The following BIN1 variants were observed in gnomAD, a reference collection of about 807,000 sequenced individuals.
BIN1 encodes the protein myc box-dependent-interacting protein 1.
A neutral mutation model predicts 82.0 loss-of-function variants in BIN1; 53 were observed. That is an observed-to-expected ratio of 0.65 (90% CI 0.52 to 0.81). The LOEUF is 0.81. Ranked by LOEUF, BIN1 falls within the 40% of genes least tolerant of loss-of-function variation. The pLI is 0.00. For synonymous variants in BIN1, 302 were observed against 328.0 expected (o/e 0.92, Z 0.86); for missense variants, 642 against 784.4 (o/e 0.82, Z 2.17).
rs147989535 is a variant in BIN1, at chr2:127,074,296, C to T, written c.165+2330G>A. On this transcript the variant is annotated intron_variant, in intron 2 of 18. Coordinates refer to ENST00000316724, the MANE Select transcript of BIN1 (RefSeq NM_139343.3). ...TTCCTGGTCCCCACACCCTGCCATC[C>T]CCACACACCAATCAAATCCAGAACT... 3.1e-3 allele frequency among the ~76,000 whole-genome samples: 465 copies of T among 152,250 alleles called. 2 individuals are homozygous for T. The highest frequency in any genetic ancestry group is 0.011 in the African/African-American group (456 of 41,528).
chr2:127,078,183 T>A (rs572105279), intron 1 of BIN1, among the ~76,000 whole-genome samples: 4 of 151,700 alleles, frequency 2.6e-5, no homozygotes, highest in South Asian at 2.1e-4. Context: ...CCTGCTGCAC[T>A]TCCCCCCCCA....
At chr2:127,076,849 C>T in intron 1 of BIN1, 143 bp from the exon 2 acceptor site, 1 of 898,094 alleles carries the variant, frequency 1.1e-6, no homozygotes, top group Non-Finnish European at 1.8e-6. Flanking sequence ...CCACCCAGGG[C>T]TGCAATCCCA....
rs1685370911 is a variant in BIN1, at chr2:127,068,072, A to G, written c.612+91T>C. ...GAAAAACCCTGCCCCAGCTGGGCTC[A>G]GATGCCAGCCCTGCATTCCACCGCA... is the stretch of plus-strand genomic sequence containing the variant. On this transcript the variant is annotated intron_variant, in intron 7 of 18. Coordinates refer to ENST00000316724, the MANE Select transcript of BIN1 (RefSeq NM_139343.3). The surrounding 1 kb of genome is among the most constrained non-coding windows in gnomAD (Gnocchi z 4.9). 2 of 1,328,050 alleles carry G rather than the reference A, an allele frequency of 1.5e-6. No homozygotes were observed. Among genetic ancestry groups the G allele is most frequent in the Admixed American group, 3.9e-5 (2 of 51,524 alleles). The allele number at this position is 1,328,050 out of a possible 1,614,324, so 82.3% of individuals were successfully genotyped here. A position where few individuals can be genotyped will look rare whatever the true frequency, so the allele number is the denominator to read the frequency against.
intron 7 of BIN1, among the ~76,000 whole-genome samples, chr2:127,065,305 CG>C (rs1221883925): frequency 1.4e-5 from 2 of 146,968 alleles, no homozygotes; most frequent in Admixed American, 6.7e-5. Context: ...GAATGGGGAG[CG>C]GGGGGTGGGG....
rs573365896 is a variant in BIN1, at chr2:127,060,517, G to C, written c.858-1362C>G. 23 of 1,597,148 alleles carry C rather than the reference G, an allele frequency of 1.4e-5. No individual in the cohort carries two copies. In the South Asian group the frequency reaches 2.0e-4, roughly 14 times the overall value. On this transcript the variant is annotated intron_variant, in intron 10 of 18. Transcript: ENST00000316724. ...CAGATTACGGGTTAGTGGCACCTGG[G>C]AGCAGGGCGCAAGGCGCATGCACAG...
intron 1 of BIN1, among the ~76,000 whole-genome samples, chr2:127,104,493 C>T (rs974479320): frequency 2.0e-5 from 3 of 152,142 alleles, no homozygotes; most frequent in Admixed American, 6.5e-5. Context: ...CTTCTTCCTA[C>T]GCCAGGACGC....
rs187690037 is a variant in BIN1 at position 127,061,627 on chromosome 2, G to A, written c.857+488C>T. On this transcript the variant is annotated intron_variant, in intron 10 of 18. Transcript: ENST00000316724. ...AGGCCTCCTTGCAGCTGGGATTCCC[G>A]GAGGGGCTGAGGCTGAGGACAGGAA... 1.5e-3 allele frequency among the ~76,000 whole-genome samples: 223 copies of A among 152,336 alleles called. 1 individual carries two copies. Among genetic ancestry groups the A allele is most frequent in the South Asian group, 6.2e-4 (3 of 4,826 alleles).
rs1367774140 is a variant in BIN1, at chr2:127,093,741, G to A, written c.84+13119C>T. On this transcript the variant is annotated intron_variant, in intron 1 of 18. Coordinates refer to ENST00000316724, the MANE Select transcript of BIN1 (RefSeq NM_139343.3). This position sits in a 1 kb window ranked among gnomAD's most constrained non-coding sequence, Gnocchi z 5.7. ...CTTTGCTCTTGGAAACCTGTCTTTC[G>A]TTAGAGCGGTGTCAGCTGTGGCCCT... Among the ~76,000 whole-genome samples the A allele has an allele frequency of 3.3e-5, 5 of 152,196 alleles. No homozygotes were observed. Among genetic ancestry groups the A allele is most frequent in the Admixed American group, 6.5e-5 (1 of 15,284 alleles).
chr2:127,094,506 C>T (rs1046830936), intron 1 of BIN1, among the ~76,000 whole-genome samples: 14 of 151,728 alleles, frequency 9.2e-5, no homozygotes, highest in African/African-American at 3.2e-4. Context: ...GGGGGGGTCC[C>T]GCTGCCTGCT....
intron 2 of BIN1, among the ~76,000 whole-genome samples, chr2:127,072,635 T>C (rs1402835543): frequency 6.8e-6 from 1 of 146,912 alleles, no homozygotes; most frequent in African/African-American, 2.6e-5. Flanking sequence ...AAAAAAAAAA[T>C]CTCTAAAATT....
chr2:127,104,899 G>A (rs1204836581), intron 1 of BIN1, among the ~76,000 whole-genome samples: 2 of 152,200 alleles, frequency 1.3e-5, no homozygotes, highest in African/African-American at 2.4e-5. Context: ...CTGATGGGGG[G>A]AGGGTCCCTA....
intron 4 of BIN1, 33 bp downstream of exon 4, chr2:127,070,520 T>C: frequency 6.2e-7 from 1 of 1,610,162 alleles, no homozygotes; most frequent in Non-Finnish European, 8.5e-7. Flanking sequence ...GAGGGCCCTC[T>C]GAGAAGGGCA....
chr2:127,100,739 C>T (rs757907499), intron 1 of BIN1, among the ~76,000 whole-genome samples: 2 of 152,172 alleles, frequency 1.3e-5, no homozygotes, highest in Non-Finnish European at 2.9e-5. Context: ...CACAACCCTG[C>T]GGCCTCTTTA....
chr2:127,068,119 G>C lies in BIN1; in HGVS notation c.612+44C>G, dbSNP rs751731401. The C allele has an allele frequency of 6.3e-7, 1 of 1,580,832 alleles. No individual in the cohort carries two copies. Reference sequence around the variant, plus strand: ...CGCAGGGCGAGAGGACAGGACGACAGACCGGAAGGCGCCAGCACGTGCAAG... The same window carrying C: ...CGCAGGGCGAGAGGACAGGACGACACACCGGAAGGCGCCAGCACGTGCAAG... On this transcript the variant is annotated intron_variant, in intron 7 of 18. Coordinates refer to ENST00000316724, the MANE Select transcript of BIN1 (RefSeq NM_139343.3). This position sits in a 1 kb window ranked among gnomAD's most constrained non-coding sequence, Gnocchi z 4.9.
At chr2:127,100,230 G>A (rs1680138467) in intron 1 of BIN1, among the ~76,000 whole-genome samples, 1 of 152,188 alleles carries the variant, frequency 6.6e-6, no homozygotes, top group African/African-American at 2.4e-5. Flanking sequence ...CTTGCACCTA[G>A]AAACCCCAGG....
intron 18 of BIN1, among the ~76,000 whole-genome samples, chr2:127,049,958 C>T (rs75305666): frequency 0.027 from 4,086 of 152,308 alleles, 170 homozygotes; most frequent in African/African-American, 0.092. Context: ...GGGCCCGCCT[C>T]GAGGGACGGC....
chr2:127,070,199 G>T, intron 4 of BIN1, 109 bp from the exon 5 acceptor site: 1 of 852,402 alleles, frequency 1.2e-6, no homozygotes, highest in Non-Finnish European at 1.9e-6. Context: ...CAGCTCAGTG[G>T]CTTCTCAGAG....
chr2:127,084,483 C>T (rs983237498), intron 1 of BIN1, among the ~76,000 whole-genome samples: 1 of 152,252 alleles, frequency 6.6e-6, no homozygotes, highest in Non-Finnish European at 1.5e-5. Flanking sequence ...ATTCTCCAGG[C>T]TCAGCCTGCA....
chr2:127,072,331 G>A lies in BIN1; in HGVS notation c.166-1515C>T, dbSNP rs533999122. Among the ~76,000 whole-genome samples the A allele has an allele frequency of 3.3e-5, 5 of 152,312 alleles. No individual in the cohort carries two copies. In the South Asian group the frequency reaches 1.0e-3, roughly 32 times the overall value. On this transcript the variant is annotated intron_variant, in intron 2 of 18. Transcript: ENST00000316724. ...CTCTTCCTGCCCTGGTGCCCTAGGG[G>A]CCAGCACCTTCCAGGCAGTCTTCTC... is the stretch of plus-strand genomic sequence containing the variant.
Sources: allele counts gnomAD v4.1 joint callset (sites outside exome capture counted in the v4.1 genomes callset), GRCh38; gene constraint gnomAD v4.1.1; non-coding constraint Gnocchi (gnomAD v3.1); transcripts MANE v1.5; gene names NCBI Gene and HGNC (gene_info 2026-07-23, HGNC 2026-07-21).